The following LRP6 variants were observed in gnomAD, a reference collection of about 807,000 sequenced individuals.
LRP6 encodes the protein LDL receptor related protein 6, also known as low-density lipoprotein receptor-related protein 6.
LRP6 carries 43 observed loss-of-function variants against 184.1 expected under a neutral mutation model. The observed-to-expected ratio is 0.23, with a 90% CI of 0.18 to 0.30. The LOEUF (loss-of-function observed/expected upper bound fraction) is 0.30. Ranked by LOEUF, LRP6 falls within the 10% of genes least tolerant of loss-of-function variation. LRP6 has a pLI of 1.00. For synonymous variants in LRP6, 719 were observed against 684.9 expected (o/e 1.05, Z -0.78); for missense variants, 1,571 against 2,005.3 (o/e 0.78, Z 4.14).
chr12:12,239,118 C>T (rs1864994917), intron 2 of LRP6, among the ~76,000 whole-genome samples: 2 of 152,096 alleles, frequency 1.3e-5, no homozygotes, highest in African/African-American at 4.8e-5. Flanking sequence ...CTTAAGATTC[C>T]CTTCCAGTTC....
At chr12:12,231,972 G>A (rs966827711) in intron 2 of LRP6, among the ~76,000 whole-genome samples, 2 of 150,940 alleles carry the variant, frequency 1.3e-5, no homozygotes, top group Non-Finnish European at 2.9e-5. Context: ...CTGAGACTGC[G>A]CCACTGACGA....
At chr12:12,260,303 G>A (rs1443984246) in intron 1 of LRP6, among the ~76,000 whole-genome samples, 3 of 151,610 alleles carry the variant, frequency 2.0e-5, no homozygotes, top group Admixed American at 6.6e-5. Context: ...GCGTGAACCC[G>A]GGGGGCGGAG....
intron 17 of LRP6, among the ~76,000 whole-genome samples, chr12:12,134,165 AT>A (rs1478253450): frequency 6.6e-6 from 1 of 152,144 alleles, no homozygotes; most frequent in Non-Finnish European, 1.5e-5. Context: ...CCGATCAACA[AT>A]TTTTATATGT....
chr12:12,162,742 C>T (rs1326448934), intron 9 of LRP6, among the ~76,000 whole-genome samples: 2 of 152,150 alleles, frequency 1.3e-5, no homozygotes, highest in African/African-American at 4.8e-5. Context: ...CACAATGCTA[C>T]AGATCTTAAT....
At chr12:12,187,318 C>T (rs1863499489) in intron 3 of LRP6, 199 bp from the exon 4 acceptor site, 1 of 590,202 alleles carries the variant, frequency 1.7e-6, no homozygotes, top group East Asian at 2.9e-5. Context: ...TCCAAAAGCC[C>T]CAAACAAGCA....
At position 12,266,956 on chromosome 12, in the gene LRP6, T is replaced by A. The variant is rs547693160; in HGVS notation, c.-221A>T. On this transcript the variant is annotated 5_prime_UTR_variant, in exon 1 of 23. In the 5' UTR this introduces an upstream ATG that the reference lacks. Transcript: ENST00000261349. ...GGGCTCGCGCGACGCCAGCGTCTGC[T>A]TCCATCCCGCCGCCTCCTCCCCCGG... 3.8e-5 allele frequency: 21 copies of A among 548,076 alleles called. No individual in the cohort carries two copies. Among genetic ancestry groups the A allele is most frequent in the Non-Finnish European group, 6.7e-5 (21 of 314,080 alleles). 34.0% of individuals were successfully genotyped at this position (548,076 alleles called of 1,614,324 possible).
chr12:12,202,527 G>A (rs974938380), intron 3 of LRP6, among the ~76,000 whole-genome samples: 1 of 152,120 alleles, frequency 6.6e-6, no homozygotes, highest in Non-Finnish European at 1.5e-5. Context: ...CGGATGACAA[G>A]GTGAGACTCT....
intron 1 of LRP6, among the ~76,000 whole-genome samples, chr12:12,263,136 A>C (rs554704258): frequency 2.5e-3 from 374 of 151,368 alleles, no homozygotes; most frequent in Non-Finnish European, 4.2e-3. Context: ...ATGGTGGTGC[A>C]TGCCTGTAAT....
chr12:12,234,733 A>G (rs1459288245), intron 2 of LRP6, among the ~76,000 whole-genome samples: 4 of 152,044 alleles, frequency 2.6e-5, no homozygotes, highest in African/African-American at 9.7e-5. Context: ...CAGGAGGCTG[A>G]GGCAGGAGAA....
chr12:12,164,124 C>T (rs562714761), intron 9 of LRP6, 149 bp downstream of exon 9: 23 of 655,576 alleles, frequency 3.5e-5, no homozygotes, highest in African/African-American at 1.5e-4. Flanking sequence ...AGCAAGACAC[C>T]GTTTAAAAAA....
chr12:12,188,085 G>A (rs970314150), intron 3 of LRP6, among the ~76,000 whole-genome samples: 3 of 151,692 alleles, frequency 2.0e-5, no homozygotes, highest in South Asian at 2.1e-4. Flanking sequence ...GGTGGTGGGC[G>A]CCTGTAATCC....
intron 1 of LRP6, among the ~76,000 whole-genome samples, chr12:12,260,078 T>C (rs1005384342): frequency 2.0e-5 from 3 of 152,276 alleles, no homozygotes; most frequent in Middle Eastern, 3.4e-3. Context: ...ATGGCTGCAA[T>C]CCTTTAGAAA....
chr12:12,266,843 C>T lies in LRP6; in HGVS notation c.-108G>A. 2 of 881,474 alleles carry T rather than the reference C, an allele frequency of 2.3e-6. No individual in the cohort carries two copies. The highest frequency in any genetic ancestry group is 1.7e-5 in the African/African-American group (1 of 60,020). The allele number at this position is 881,474 out of a possible 1,614,324, so 54.6% of individuals were successfully genotyped here. ...CGGCAGGGCTGCACGCTCATACTTC[C>T]CAGCTTCCCAGCGAGAGAAGAAAGA... On this transcript the variant is annotated 5_prime_UTR_variant, in exon 1 of 23. Coordinates refer to ENST00000261349, the MANE Select transcript of LRP6 (RefSeq NM_002336.3).
intron 2 of LRP6, chr12:12,226,835 AACATAC>A (rs1289414484): frequency 6.6e-6 from 1 of 152,150 alleles, no homozygotes; most frequent in Non-Finnish European, 1.5e-5. Context: ...CAAAAGGTAC[AACATAC>A]ACATAATGAG....
chr12:12,263,052 G>C (rs370510938), intron 1 of LRP6, among the ~76,000 whole-genome samples: 3 of 147,666 alleles, frequency 2.0e-5, no homozygotes, highest in Admixed American at 6.8e-5. Flanking sequence ...TCGGGAGTTC[G>C]AGACCAGCCT....
rs979195636 is a variant in LRP6 at position 12,155,299 on chromosome 12, A to G, written c.2791+3530T>C. ...AAGGGAAAGAGGAGAGGCACCCGAT[A>G]CGTGTTCTCTAGGCCTTTTAGAAAG... On this transcript the variant is annotated intron_variant, in intron 12 of 22. Coordinates refer to ENST00000261349, the MANE Select transcript of LRP6 (RefSeq NM_002336.3). The G allele has an allele frequency of 1.9e-5, 14 of 754,516 alleles. No homozygotes were observed. The African/African-American group carries it at 2.4e-4, about 13-fold the overall frequency. 46.7% of individuals were successfully genotyped at this position (754,516 alleles called of 1,614,324 possible). A position where few individuals can be genotyped will look rare whatever the true frequency, so the allele number is the denominator to read the frequency against.
At chr12:12,237,556 A>G (rs1412649926) in intron 2 of LRP6, among the ~76,000 whole-genome samples, 1 of 152,274 alleles carries the variant, frequency 6.6e-6, no homozygotes, top group Non-Finnish European at 1.5e-5. Flanking sequence ...ACTAGCAGAC[A>G]AAACCATAGC....
intron 13 of LRP6, 35 bp from the exon 14 acceptor site, chr12:12,149,188 TC>T: frequency 6.4e-7 from 1 of 1,554,910 alleles, no homozygotes; most frequent in Non-Finnish European, 8.9e-7. Flanking sequence ...AAAATTAAAC[TC>T]CAGGGGCAGA....
At chr12:12,154,709 G>A (rs1950127617) in intron 12 of LRP6, among the ~76,000 whole-genome samples, 1 of 151,984 alleles carries the variant, frequency 6.6e-6, no homozygotes, top group Non-Finnish European at 1.5e-5. Flanking sequence ...TTAAAAAGAG[G>A]GAAAAAAGCC....
Sources: allele counts gnomAD v4.1 joint callset (sites outside exome capture counted in the v4.1 genomes callset), GRCh38; gene constraint gnomAD v4.1.1; transcripts MANE v1.5; gene names NCBI Gene and HGNC (gene_info 2026-07-23, HGNC 2026-07-21).